Variants in NFATC4 observed in about 807,000 individuals in gnomAD.
The protein encoded by NFATC4 is nuclear factor of activated T-cells, cytoplasmic 4.
Under a neutral mutation model 73.4 loss-of-function variants are expected in NFATC4, and 25 were observed. The observed-to-expected ratio is 0.34, with a 90% CI of 0.25 to 0.48. The LOEUF (loss-of-function observed/expected upper bound fraction) is 0.48. Among genes scored for constraint, NFATC4 ranks in the 20% least tolerant of loss-of-function variants. The pLI, the probability that NFATC4 is intolerant of heterozygous loss-of-function variation, is 0.99. For synonymous variants in NFATC4, 523 were observed against 510.3 expected (o/e 1.02, Z -0.34); for missense variants, 1,130 against 1,203.7 (o/e 0.94, Z 0.91).
chr14:24,370,177 C>T lies in NFATC4; in HGVS notation c.779C>T (p.Pro260Leu), dbSNP rs781008744. 1.0e-5 allele frequency: 16 copies of T among 1,605,214 alleles called. No individual in the cohort carries two copies. The highest frequency in any genetic ancestry group is 2.2e-5 in the East Asian group (1 of 44,866). ...LSAPGPTPASPRPASPCGKRR... is the reference protein window; with the variant it reads ...LSAPGPTPASLRPASPCGKRR... ...GCTCCTGGGCCCACCCCAGCCTCCC[C>T]GCGGCCTGCCTCTCCATGTGGCAAG... is the stretch of plus-strand genomic sequence containing the variant. The change falls in exon 2 of 10, where the codon CCG becomes CTG. Residue 260 changes from proline (P) to leucine (L), a missense_variant. Around this residue, in one of 3 missense-constraint regions of NFATC4, gnomAD observed 585 missense variants for 574.3 expected, o/e 1.02. Coordinates refer to ENST00000250373, the MANE Select transcript of NFATC4 (RefSeq NM_004554.5).
Position 24,377,199 on chromosome 14 carries a change from T to A in NFATC4, c.2641+321T>A. 7.9e-7 allele frequency: 1 copy of A among 1,268,930 alleles called. No homozygotes were observed. The highest frequency in any genetic ancestry group is 9.9e-7 in the Non-Finnish European group (1 of 1,009,504). 78.6% of individuals were successfully genotyped at this position (1,268,930 alleles called of 1,614,324 possible). On this transcript the variant is annotated intron_variant, in intron 9 of 9. Coordinates refer to ENST00000250373, the MANE Select transcript of NFATC4 (RefSeq NM_004554.5). The surrounding 1 kb of genome is among the most constrained non-coding windows in gnomAD (Gnocchi z 4.2). ...GCATTCAATTTGCAAGTTTAGGCGT[T>A]GAGTTCCAGAGAGGGATGGTAGCTT...
upstream of NFATC4, chr14:24,367,457 G>T: frequency 6.5e-7 from 1 of 1,535,804 alleles, no homozygotes; most frequent in Non-Finnish European, 8.7e-7. Flanking sequence ...CAGCGGCAAA[G>T]CCTGGCCTGG....
In NFATC4 at chr14:24,375,990, A is replaced by C; in HGVS notation, c.1945A>C (p.Thr649Pro). The change falls in exon 8 of 10, where the codon ACT becomes CCT. Residue 649 changes from threonine to proline, a missense_variant. Thr to Pro is a conservative substitution (Grantham distance 38). Around this residue, in one of 3 missense-constraint regions of NFATC4, gnomAD observed 390 missense variants for 408.1 expected, o/e 0.96. Coordinates refer to ENST00000250373, the MANE Select transcript of NFATC4 (RefSeq NM_004554.5). The part of the protein sequence containing the change: ...LQSNEVTLTL[T>P]VPEYSNKRVS... ...TCTTCCCTAGGTGACGCTGACCCTG[A>C]CTGTCCCCGAGTACAGCAACAAGAG... is the stretch of plus-strand genomic sequence containing the variant. 6.2e-7 allele frequency: 1 copy of C among 1,613,986 alleles called. No individual in the cohort carries two copies. Among genetic ancestry groups the C allele is most frequent in the Non-Finnish European group, 8.5e-7 (1 of 1,179,962 alleles).
chr14:24,373,093 T>C lies in NFATC4; in HGVS notation c.1360-78T>C. ...ATCTTTCACCATTCCCATCCCATGG[T>C]AGACTGAAAATCTAGGGATGAATAA... On this transcript the variant is annotated intron_variant, in intron 3 of 9. Coordinates refer to ENST00000250373, the MANE Select transcript of NFATC4 (RefSeq NM_004554.5). The surrounding 1 kb of genome is among the most constrained non-coding windows in gnomAD (Gnocchi z 4.7). 2.1e-6 allele frequency: 3 copies of C among 1,430,072 alleles called. No individual in the cohort carries two copies. The highest frequency in any genetic ancestry group is 2.4e-5 in the South Asian group (2 of 81,640). 88.6% of individuals were successfully genotyped at this position (1,430,072 alleles called of 1,614,324 possible).
Position 24,379,385 on chromosome 14 carries a change from T to A in NFATC4, c.*1680T>A, listed in dbSNP as rs973572235. The A allele has an allele frequency of 2.0e-5, 3 of 152,178 alleles. No individual in the cohort carries two copies. Among genetic ancestry groups the A allele is most frequent in the African/African-American group, 7.2e-5 (3 of 41,432 alleles). The allele number at this position is 152,178 out of a possible 1,614,324, so 9.4% of individuals were successfully genotyped here. A position where few individuals can be genotyped will look rare whatever the true frequency, so the allele number is the denominator to read the frequency against. ...ATTTATCAATCTTCAGCACCACCTC[T>A]AAGATCTCTGAGAGAGGGTGGATCA... On this transcript the variant is annotated 3_prime_UTR_variant, in exon 10 of 10. Transcript: ENST00000250373.
At position 24,374,696 on chromosome 14, in the gene NFATC4, G is replaced by A. The variant is rs909503177; in HGVS notation, c.1873+230G>A. Reference sequence around the variant, plus strand: ...AACAAATGGAAGCAATGCACATTCTGTCTAATAAAGAGGAGTCTGCTTTGA... The same window carrying A: ...AACAAATGGAAGCAATGCACATTCTATCTAATAAAGAGGAGTCTGCTTTGA... On this transcript the variant is annotated intron_variant, in intron 6 of 9. Transcript: ENST00000250373. 1.7e-5 allele frequency: 8 copies of A among 466,606 alleles called. No homozygotes were observed. The Admixed American group carries it at 2.2e-4, about 13-fold the overall frequency. 28.9% of individuals were successfully genotyped at this position (466,606 alleles called of 1,614,324 possible).
Position 24,377,072 on chromosome 14 carries a change from T to C in NFATC4, c.2641+194T>C. On this transcript the variant is annotated intron_variant, in intron 9 of 9. Transcript: ENST00000250373. The surrounding 1 kb of genome is among the most constrained non-coding windows in gnomAD (Gnocchi z 4.2). ...AATTAACTGAATTCTGAAGAGTGCA[T>C]GGGGTAACTGTCTCAGCCTTTCTCC... 7.4e-7 allele frequency: 1 copy of C among 1,354,498 alleles called. No homozygotes were observed. Among genetic ancestry groups the C allele is most frequent in the South Asian group, 2.1e-5 (1 of 46,838 alleles). 83.9% of individuals were successfully genotyped at this position (1,354,498 alleles called of 1,614,324 possible).
chr14:24,375,020 C>CA (rs2042573615), intron 6 of NFATC4, among the ~76,000 whole-genome samples: 1 of 152,030 alleles, frequency 6.6e-6, no homozygotes. Flanking sequence ...AGTGATGCTG[C>CA]AATCACGGCT....
At chr14:24,368,151 A>C, upstream of NFATC4, 1 of 1,214,516 alleles carries the variant, frequency 8.2e-7, no homozygotes, top group Non-Finnish European at 1.0e-6. Context: ...ACCGCTTTGA[A>C]GAAGTTTGGG....
chr14:24,371,788 G>A (rs1441192350), intron 2 of NFATC4: 6 of 152,170 alleles, frequency 3.9e-5, no homozygotes, highest in Admixed American at 3.9e-4. Context: ...CTGGGCTCAA[G>A]CAATCCTCCT....
intron 1 of NFATC4, chr14:24,368,918 G>A: frequency 2.4e-6 from 1 of 421,268 alleles, no homozygotes; most frequent in Non-Finnish European, 3.3e-6. Flanking sequence ...GGGGGCGGCG[G>A]CCGCCGCTCG....
Position 24,369,292 on chromosome 14 carries a change from G to A in NFATC4, c.101-207G>A, listed in dbSNP as rs529169109. The A allele has an allele frequency of 1.3e-3, 2,060 of 1,562,062 alleles. 6 individuals carry two copies. Among genetic ancestry groups the A allele is most frequent in the Non-Finnish European group, 1.7e-3 (1,962 of 1,160,828 alleles). On this transcript the variant is annotated intron_variant, in intron 1 of 9. Coordinates refer to ENST00000250373, the MANE Select transcript of NFATC4 (RefSeq NM_004554.5). The stretch of plus-strand genomic sequence containing the variant: ...GTACCCTCGGTCCTAGGATCCAGGG[G>A]CCAGTGGGCAAAGGCCTGGCATGCC...
rs555091145 is a variant in NFATC4, at chr14:24,372,274, A to T, written c.1197-167A>T. On this transcript the variant is annotated intron_variant, in intron 2 of 9. Coordinates refer to ENST00000250373, the MANE Select transcript of NFATC4 (RefSeq NM_004554.5). Reference sequence around the variant, plus strand: ...CATTTCTTTGTCCTTTTTTTAGTTTAAAAAAAATTCTTTTTTCCCTTCTTT... The same window carrying T: ...CATTTCTTTGTCCTTTTTTTAGTTTTAAAAAAATTCTTTTTTCCCTTCTTT... 5.3e-4 allele frequency: 381 copies of T among 713,334 alleles called. 2 individuals carry two copies. Among genetic ancestry groups the T allele is most frequent in the South Asian group, 3.0e-3 (135 of 44,508 alleles). The allele number at this position is 713,334 out of a possible 1,614,324, so 44.2% of individuals were successfully genotyped here. A position where few individuals can be genotyped will look rare whatever the true frequency, so the allele number is the denominator to read the frequency against.
chr14:24,376,130 G>T lies in NFATC4; in HGVS notation c.2056+29G>T, dbSNP rs781741087. The T allele has an allele frequency of 1.2e-6, 2 of 1,613,728 alleles. No homozygotes were observed. Among genetic ancestry groups the T allele is most frequent in the Non-Finnish European group, 1.7e-6 (2 of 1,179,778 alleles). ...CGCTCTGGGACAGCCCATGGTGGGG[G>T]TATAGGGATATGGGGAGCTGGAGCA... On this transcript the variant is annotated intron_variant, in intron 8 of 9. Coordinates refer to ENST00000250373, the MANE Select transcript of NFATC4 (RefSeq NM_004554.5). This position sits in a 1 kb window ranked among gnomAD's most constrained non-coding sequence, Gnocchi z 5.0.
Position 24,377,756 on chromosome 14 carries a change from C to A in NFATC4, c.*51C>A. The A allele has an allele frequency of 1.2e-6, 2 of 1,613,598 alleles. No individual in the cohort carries two copies. Among genetic ancestry groups the A allele is most frequent in the Non-Finnish European group, 1.7e-6 (2 of 1,179,668 alleles). On this transcript the variant is annotated 3_prime_UTR_variant, in exon 10 of 10. Transcript: ENST00000250373. The surrounding 1 kb of genome is among the most constrained non-coding windows in gnomAD (Gnocchi z 4.2). ...AACCCCAGCCCCAGCCTCAGCCCTGCCCCCTTTCCCTCCTTCCTGGAGTGG... is the reference window on the plus strand; with the variant it reads ...AACCCCAGCCCCAGCCTCAGCCCTGACCCCTTTCCCTCCTTCCTGGAGTGG...
rs549205933 is a variant in NFATC4 at position 24,375,824 on chromosome 14, C to T, written c.1929+109C>T. The T allele has an allele frequency of 9.3e-4, 1,434 of 1,534,452 alleles. 2 individuals are homozygous for T. The highest frequency in any genetic ancestry group is 1.6e-3 in the Middle Eastern group (7 of 4,482). The stretch of plus-strand genomic sequence containing the variant: ...AGTGGACTTTTCTGGAGGAGGGAGA[C>T]TGGCCATTCTGTAAGCAGGTGCATC... On this transcript the variant is annotated intron_variant, in intron 7 of 9. Transcript: ENST00000250373.
Position 24,376,350 on chromosome 14 carries a change from T to C in NFATC4, c.2113T>C (p.Ser705Pro), listed in dbSNP as rs1354728816. The change falls in exon 9 of 10, where the codon TCG becomes CCG. Residue 705 changes from serine (S) to proline (P), a missense_variant. Coordinates refer to ENST00000250373, the MANE Select transcript of NFATC4 (RefSeq NM_004554.5). The surrounding 1 kb of genome is among the most constrained non-coding windows in gnomAD (Gnocchi z 5.0). Reference sequence around the variant, plus strand: ...ATCTCTGCGGGGTTTCCCTTCAGCATCGGCAACCCCCTTTGGCACTGACAT... The same window carrying C: ...ATCTCTGCGGGGTTTCCCTTCAGCACCGGCAACCCCCTTTGGCACTGACAT... ...DSSLRGFPSA[S>P]ATPFGTDMDF... is the part of the protein sequence containing the mutation. 1 of 1,605,950 alleles carries C rather than the reference T, an allele frequency of 6.2e-7. No individual in the cohort carries two copies. Among genetic ancestry groups the C allele is most frequent in the East Asian group, 2.2e-5 (1 of 44,860 alleles).
upstream of NFATC4, chr14:24,367,235 TG>T (rs1566458528): frequency 1.3e-6 from 2 of 1,568,364 alleles, no homozygotes; most frequent in East Asian, 2.4e-5. Flanking sequence ...TCCAGCCTGT[TG>T]GGGGCGGGGG....
Position 24,376,885 on chromosome 14 carries a change from G to A in NFATC4, c.2641+7G>A. The A allele has an allele frequency of 6.4e-7, 1 of 1,550,924 alleles. No individual in the cohort carries two copies. Among genetic ancestry groups the A allele is most frequent in the Non-Finnish European group, 8.7e-7 (1 of 1,150,264 alleles). On this transcript the variant is annotated splice_region_variant and intron_variant, in intron 9 of 9. Transcript: ENST00000250373. This position sits in a 1 kb window ranked among gnomAD's most constrained non-coding sequence, Gnocchi z 5.0. Reference sequence around the variant, plus strand: ...GGTATCACGCTGGAGGAAGGTGGGTGTGGGACTGGGGGCTGTGAGTGTGAG... The same window carrying A: ...GGTATCACGCTGGAGGAAGGTGGGTATGGGACTGGGGGCTGTGAGTGTGAG...
Sources: allele counts gnomAD v4.1 joint callset (sites outside exome capture counted in the v4.1 genomes callset), GRCh38; gene constraint gnomAD v4.1.1; regional missense constraint gnomAD v4.1.1; non-coding constraint Gnocchi (gnomAD v3.1); transcripts MANE v1.5; gene names NCBI Gene and HGNC (gene_info 2026-07-23, HGNC 2026-07-21).